The following LRMDA variants were observed in gnomAD, a reference collection of about 807,000 sequenced individuals.
The protein encoded by LRMDA is leucine rich melanocyte differentiation associated, also known as leucine-rich melanocyte differentiation-associated protein.
In LRMDA, 18 loss-of-function variants were observed where a neutral mutation model predicts 29.8. The ratio of observed to expected loss-of-function variants is 0.60; its 90% confidence interval spans 0.42 to 0.90. LRMDA has a LOEUF of 0.90. Among genes scored for constraint, LRMDA ranks in the 40% least tolerant of loss-of-function variants. The pLI, the probability that LRMDA is intolerant of heterozygous loss-of-function variation, is 0.00. For missense variants in LRMDA, 273 were observed against 273.9 expected, an observed-to-expected ratio of 1.00 and a Z score of 0.02; for synonymous variants, 125 against 109.4, an observed-to-expected ratio of 1.14 and a Z score of -0.89.
chr10:76,284,610 G>C (rs576428500), intron 5 of LRMDA, among the ~76,000 whole-genome samples: 2 of 152,290 alleles, frequency 1.3e-5, no homozygotes, highest in South Asian at 4.1e-4. Flanking sequence ...GTTTAACCCT[G>C]ATTTTGAAAT....
At position 75,962,268 on chromosome 10, in the gene LRMDA, C is replaced by G. The variant is rs138644803; in HGVS notation, c.132-73740C>G. 2.5e-3 allele frequency among the ~76,000 whole-genome samples: 378 copies of G among 152,288 alleles called. 3 individuals are homozygous for G. The highest frequency in any genetic ancestry group is 8.3e-3 in the African/African-American group (344 of 41,562). On this transcript the variant is annotated intron_variant, in intron 2 of 6. Coordinates refer to ENST00000611255, the MANE Select transcript of LRMDA (RefSeq NM_001305581.2). The stretch of plus-strand genomic sequence containing the variant: ...CAAGCAAGTCACTTGTTTCTCTGGG[C>G]CTGGCTTTCTGCCTCTCAAAAATGA...
In LRMDA at chr10:75,630,382, AT is replaced by A. The variant is rs1841308127; in HGVS notation, c.131+191889del. On this transcript the variant is annotated intron_variant, in intron 2 of 6. Transcript: ENST00000611255. ...CAGTCTTCGCTGGTTTTTGCGGGCA[AT>A]GCAAATACCAAGATGGCCTCTCCAT... 1.3e-5 allele frequency among the ~76,000 whole-genome samples: 2 copies of A among 152,354 alleles called. 1 individual carries two copies. The highest frequency in any genetic ancestry group is 4.1e-4 in the South Asian group (2 of 4,828).
chr10:76,025,461 G>C (rs1848046843), intron 2 of LRMDA, among the ~76,000 whole-genome samples: 1 of 151,682 alleles, frequency 6.6e-6, no homozygotes, highest in South Asian at 2.1e-4. Context: ...CTGATACGCT[G>C]TCCTGTATGG....
At chr10:76,077,991 C>CTTTTTTTTTTTTTTT (rs1564646877) in intron 5 of LRMDA, among the ~76,000 whole-genome samples, 1 of 83,432 alleles carries the variant, frequency 1.2e-5, no homozygotes. Flanking sequence ...GCAATATTAA[C>CTTTTTTTTTTTTTTT]ATTTTTTTTT....
intron 2 of LRMDA, among the ~76,000 whole-genome samples, chr10:75,804,316 C>A (rs539346306): frequency 9.2e-5 from 14 of 152,266 alleles, no homozygotes; most frequent in African/African-American, 3.4e-4. Context: ...TGGACTTGAG[C>A]GATGGAGTCG....
intron 5 of LRMDA, among the ~76,000 whole-genome samples, chr10:76,085,995 C>T (rs1361372626): frequency 6.6e-6 from 1 of 152,220 alleles, no homozygotes; most frequent in Non-Finnish European, 1.5e-5. Flanking sequence ...TCATGCTTCA[C>T]TCTTCTGCAC....
chr10:76,423,527 G>A (rs1295155127), intron 6 of LRMDA, among the ~76,000 whole-genome samples: 1 of 152,122 alleles, frequency 6.6e-6, no homozygotes, highest in Admixed American at 6.5e-5. Context: ...CTTTCATAAG[G>A]TTGTTGGCTG....
intron 6 of LRMDA, among the ~76,000 whole-genome samples, chr10:76,414,302 T>G (rs1841992490): frequency 6.6e-6 from 1 of 152,144 alleles, no homozygotes; most frequent in Non-Finnish European, 1.5e-5. Context: ...CAAACTCTAT[T>G]AGGACTTACA....
intron 6 of LRMDA, among the ~76,000 whole-genome samples, chr10:76,501,202 A>G (rs1842905754): frequency 7.4e-6 from 1 of 135,396 alleles, no homozygotes; most frequent in African/African-American, 2.6e-5. Context: ...TGCAAATGAC[A>G]TTTCATTATT....
chr10:75,521,814 C>T (rs1182086383), intron 2 of LRMDA, among the ~76,000 whole-genome samples: 1 of 152,200 alleles, frequency 6.6e-6, no homozygotes, highest in Non-Finnish European at 1.5e-5. Context: ...AGCTGCAGAC[C>T]AGAGCTGTTC....
chr10:75,496,668 A>G (rs928701398), intron 2 of LRMDA, among the ~76,000 whole-genome samples: 2 of 152,102 alleles, frequency 1.3e-5, no homozygotes, highest in East Asian at 1.9e-4. Flanking sequence ...ACAACTAGAA[A>G]CACAGGTGGT....
At chr10:75,992,023 C>A (rs1433715195) in intron 2 of LRMDA, among the ~76,000 whole-genome samples, 1 of 152,166 alleles carries the variant, frequency 6.6e-6, no homozygotes, top group African/African-American at 2.4e-5. Context: ...AATGATAACC[C>A]ATTTATTTAG....
chr10:75,611,739 G>C (rs1480870340), intron 2 of LRMDA, among the ~76,000 whole-genome samples: 2 of 152,176 alleles, frequency 1.3e-5, no homozygotes, highest in African/African-American at 2.4e-5. Flanking sequence ...TCTCTGGGTG[G>C]ATGTAACCCC....
intron 5 of LRMDA, among the ~76,000 whole-genome samples, chr10:76,219,989 A>G (rs894738184): frequency 6.6e-5 from 10 of 152,240 alleles, no homozygotes; most frequent in Non-Finnish European, 1.2e-4. Flanking sequence ...AACTACATGG[A>G]AACTGAACAA....
chr10:76,227,142 C>G (rs1481872285), intron 5 of LRMDA, among the ~76,000 whole-genome samples: 4 of 152,154 alleles, frequency 2.6e-5, no homozygotes, highest in Admixed American at 1.3e-4. Flanking sequence ...TATGTTCTAT[C>G]AAATTCTGTG....
intron 6 of LRMDA, among the ~76,000 whole-genome samples, chr10:76,427,341 A>G (rs1428543387): frequency 1.3e-5 from 2 of 151,840 alleles, no homozygotes; most frequent in East Asian, 3.9e-4. Context: ...TTGGATTCCT[A>G]GGTATTTTAT....
chr10:75,562,218 T>C (rs1390257575), intron 2 of LRMDA, among the ~76,000 whole-genome samples: 1 of 152,170 alleles, frequency 6.6e-6, no homozygotes, highest in Non-Finnish European at 1.5e-5. Flanking sequence ...GGTGCTCCTG[T>C]ATTGGGTGCA....
intron 6 of LRMDA, among the ~76,000 whole-genome samples, chr10:76,420,696 A>G (rs894425007): frequency 2.6e-5 from 4 of 152,032 alleles, no homozygotes; most frequent in African/African-American, 7.2e-5. Flanking sequence ...CTTTAGCTGT[A>G]TCCTACATTT....
intron 5 of LRMDA, chr10:76,260,746 A>T (rs1309157237): frequency 6.6e-6 from 1 of 152,118 alleles, no homozygotes; most frequent in African/African-American, 2.4e-5. Context: ...AGACTTGGAA[A>T]GTTTTCAGCT....
Sources: allele counts gnomAD v4.1 joint callset (sites outside exome capture counted in the v4.1 genomes callset), GRCh38; gene constraint gnomAD v4.1.1; transcripts MANE v1.5; gene names NCBI Gene and HGNC (gene_info 2026-07-23, HGNC 2026-07-21).